FRAS1: variants seen among roughly 807,000 people sequenced by gnomAD.
FRAS1 encodes the protein Fraser extracellular matrix complex subunit 1.
FRAS1 carries 290 observed loss-of-function variants against 435.2 expected under a neutral mutation model. The observed-to-expected ratio is 0.67, with a 90% CI of 0.61 to 0.73. The LOEUF (loss-of-function observed/expected upper bound fraction) is 0.73. Among genes scored for constraint, FRAS1 ranks in the 30% least tolerant of loss-of-function variants. FRAS1 has a pLI of 0.00. For missense variants in FRAS1, 4,860 were observed against 5,001.5 expected (o/e 0.97, Z 0.85); for synonymous variants, 1,800 against 1,851.0 (o/e 0.97, Z 0.71).
chr4:78,325,165 A>T (rs1370058578), intron 18 of FRAS1, among the ~76,000 whole-genome samples: 1 of 152,190 alleles, frequency 6.6e-6, no homozygotes, highest in Admixed American at 6.5e-5. Context: ...TTATCAGGGG[A>T]ATTTCAGCAA....
At chr4:78,259,120 T>G (rs79936741) in intron 6 of FRAS1, among the ~76,000 whole-genome samples, 16,576 of 55,244 alleles carry the variant, frequency 0.3, 2,220 homozygotes, top group Middle Eastern at 0.55. Flanking sequence ...TGGACATTTG[T>G]GTTGGTTCCA....
intron 29 of FRAS1, among the ~76,000 whole-genome samples, chr4:78,392,081 T>C (rs1732467811): frequency 6.6e-6 from 1 of 152,284 alleles, no homozygotes; most frequent in East Asian, 1.9e-4. Flanking sequence ...GGTTGAAATC[T>C]ACATGGAGCA....
At chr4:78,180,910 C>T in intron 2 of FRAS1, 1 of 1,605,324 alleles carries the variant, frequency 6.2e-7, no homozygotes, top group Non-Finnish European at 8.5e-7. Context: ...ACATCAGGAG[C>T]AGAAGTACTT....
At position 78,110,318 on chromosome 4, in the gene FRAS1, G is replaced by T. The variant is rs547765999; in HGVS notation, c.108+44302G>T. ...GTCAATCCTAAGCCAAAAGAACAAA[G>T]CTGGAGGCATCACACTACCTGAGTT... On this transcript the variant is annotated intron_variant, in intron 2 of 73. Transcript: ENST00000512123. 9.5e-5 allele frequency among the ~76,000 whole-genome samples: 12 copies of T among 125,754 alleles called. 3 individuals carry two copies. In the South Asian group the frequency reaches 9.8e-4, roughly 10 times the overall value. 82.5% of individuals were successfully genotyped at this position (125,754 alleles called of 152,430 possible).
intron 47 of FRAS1, 128 bp from the exon 48 acceptor site, chr4:78,463,893 G>A: frequency 9.8e-7 from 1 of 1,021,666 alleles, no homozygotes; most frequent in Non-Finnish European, 1.5e-6. Context: ...CTCAAGTGGA[G>A]GAAATAAATG....
intron 30 of FRAS1, among the ~76,000 whole-genome samples, chr4:78,407,415 T>G (rs574728005): frequency 3.9e-4 from 59 of 152,354 alleles, no homozygotes; most frequent in African/African-American, 1.3e-3. Flanking sequence ...AGTCAGTAAC[T>G]TCATACATGA....
chr4:78,483,753 A>T (rs1335263641), intron 58 of FRAS1, among the ~76,000 whole-genome samples: 1 of 102,326 alleles, frequency 9.8e-6, no homozygotes, highest in Non-Finnish European at 2.0e-5. Context: ...TTTATCCTTC[A>T]GGAGAAAAAA....
chr4:78,419,054 C>T lies in FRAS1; in HGVS notation c.4531C>T (p.Pro1511Ser). The change falls in exon 33 of 74, where the codon CCA becomes TCA. Residue 1511 changes from proline to serine, a missense_variant. Pro to Ser is a moderately conservative substitution (Grantham distance 74, BLOSUM62 -1). Coordinates refer to ENST00000512123, the MANE Select transcript of FRAS1 (RefSeq NM_025074.7). ...CTACAACATCACTCTACCTCTGCAT[C>T]CAAATCAAGGTAAGATGTGCAGTAA... ...IVYNITLPLHPNQGIIEHRDH... is the reference protein window; with the variant it reads ...IVYNITLPLHSNQGIIEHRDH... The T allele has an allele frequency of 6.5e-7, 1 of 1,550,330 alleles. No homozygotes were observed. Among genetic ancestry groups the T allele is most frequent in the Non-Finnish European group, 8.7e-7 (1 of 1,146,092 alleles).
chr4:78,235,118 G>A (rs1222136335), intron 2 of FRAS1, among the ~76,000 whole-genome samples: 1 of 152,124 alleles, frequency 6.6e-6, no homozygotes, highest in Admixed American at 6.5e-5. Flanking sequence ...AGTTTTTGTG[G>A]TTAAGGTCAC....
intron 30 of FRAS1, among the ~76,000 whole-genome samples, chr4:78,401,172 A>G (rs962871244): frequency 4.6e-5 from 7 of 152,358 alleles, no homozygotes; most frequent in East Asian, 3.9e-4. Flanking sequence ...GCTTGCTGCA[A>G]GTCACTTAAC....
Position 78,374,251 on chromosome 4 carries a change from G to A in FRAS1, c.3151G>A (p.Ala1051Thr). The A allele has an allele frequency of 6.4e-7, 1 of 1,565,256 alleles. No individual in the cohort carries two copies. Among genetic ancestry groups the A allele is most frequent in the Non-Finnish European group, 8.7e-7 (1 of 1,150,924 alleles). The part of the protein sequence containing the change: ...FADHAKHKCT[A>T]CPQGCLQCSH... ...AGATCATGCAAAGCACAAATGCACAGGTAACTTGGAGACTGCTGATTATTC... is the reference window on the plus strand; with the variant it reads ...AGATCATGCAAAGCACAAATGCACAAGTAACTTGGAGACTGCTGATTATTC... Residue 1051 changes from alanine (A) to threonine (T), a missense_variant and splice_region_variant, in exon 25 of 74, where the codon GCC becomes ACC. By Grantham distance (58) the Ala-to-Thr change is moderately conservative. Coordinates refer to ENST00000512123, the MANE Select transcript of FRAS1 (RefSeq NM_025074.7).
chr4:78,197,868 G>GA (rs1196601667), intron 2 of FRAS1, among the ~76,000 whole-genome samples: 3 of 152,048 alleles, frequency 2.0e-5, no homozygotes, highest in Non-Finnish European at 4.4e-5. Context: ...GTGAACCCAG[G>GA]AGGTGGAGCT....
At chr4:78,384,777 C>T (rs560631617) in intron 28 of FRAS1, among the ~76,000 whole-genome samples, 1 of 151,654 alleles carries the variant, frequency 6.6e-6, no homozygotes, top group East Asian at 1.9e-4. Flanking sequence ...CCCAGTGATG[C>T]ATTCCTATAG....
At chr4:78,357,122 T>A (rs1730887075) in intron 20 of FRAS1, among the ~76,000 whole-genome samples, 1 of 152,192 alleles carries the variant, frequency 6.6e-6, no homozygotes, top group Non-Finnish European at 1.5e-5. Context: ...TTTCCAAACA[T>A]TCTCCCCCTG....
intron 2 of FRAS1, among the ~76,000 whole-genome samples, chr4:78,143,816 A>G (rs2110001751): frequency 6.7e-6 from 1 of 149,884 alleles, no homozygotes; most frequent in East Asian, 2.0e-4. Context: ...AGGTGGGAGG[A>G]TTGCTTGAGC....
intron 2 of FRAS1, among the ~76,000 whole-genome samples, chr4:78,138,124 C>T (rs1314200755): frequency 6.6e-6 from 1 of 152,190 alleles, no homozygotes; most frequent in African/African-American, 2.4e-5. Flanking sequence ...GGGTCTGCCT[C>T]CAATCCCTTG....
At position 78,370,199 on chromosome 4, in the gene FRAS1, G is replaced by C. The variant is rs1427469963; in HGVS notation, c.2869+215G>C. Among the ~76,000 whole-genome samples the C allele has an allele frequency of 8.5e-5, 13 of 152,284 alleles. No individual in the cohort carries two copies. The South Asian group carries it at 1.9e-3, about 22-fold the overall frequency. Reference sequence around the variant, plus strand: ...TTTTGAGCACCTATTTGTGTCAGATGTTGTGCCACGTCTTGATAACAAGAC... The same window carrying C: ...TTTTGAGCACCTATTTGTGTCAGATCTTGTGCCACGTCTTGATAACAAGAC... On this transcript the variant is annotated intron_variant, in intron 23 of 73. Transcript: ENST00000512123.
chr4:78,366,021 T>C (rs1731254424), intron 22 of FRAS1, among the ~76,000 whole-genome samples: 1 of 151,862 alleles, frequency 6.6e-6, no homozygotes, highest in African/African-American at 2.4e-5. Flanking sequence ...TTATAGACAA[T>C]TATAGGCCTG....
chr4:78,100,427 G>C (rs1050349284), intron 2 of FRAS1, among the ~76,000 whole-genome samples: 1 of 152,212 alleles, frequency 6.6e-6, no homozygotes, highest in African/African-American at 2.4e-5. Context: ...CTTTCTGAGG[G>C]CTGTGTCCTC....
Sources: allele counts gnomAD v4.1 joint callset (sites outside exome capture counted in the v4.1 genomes callset), GRCh38; gene constraint gnomAD v4.1.1; transcripts MANE v1.5; gene names NCBI Gene and HGNC (gene_info 2026-07-23, HGNC 2026-07-21).